MYCBP: variants seen among roughly 807,000 people sequenced by gnomAD.
The protein encoded by MYCBP is MYC binding protein.
Under a neutral mutation model 16.8 loss-of-function variants are expected in MYCBP, and 5 were observed. The ratio of observed to expected loss-of-function variants is 0.30; its 90% CI spans 0.16 to 0.63. The LOEUF is 0.63. Among genes scored for constraint, MYCBP ranks in the 20% least tolerant of loss-of-function variants. The probability of loss-of-function intolerance (pLI) is 0.83; values close to 1 mark genes in which losing one functional copy is unlikely to be tolerated. For synonymous variants in MYCBP, 35 were observed against 43.7 expected, an observed-to-expected ratio of 0.80 and a Z score of 0.79; for missense variants, 103 against 121.8, an observed-to-expected ratio of 0.85 and a Z score of 0.73.
rs75143403 is a variant in MYCBP at position 38,871,386 on chromosome 1, C to T, written c.88+1632G>A. Among the ~76,000 whole-genome samples the T allele has an allele frequency of 6.8e-3, 1,032 of 151,540 alleles. 10 individuals carry two copies. The highest frequency in any genetic ancestry group is 9.1e-3 in the Non-Finnish European group (621 of 67,938). On this transcript the variant is annotated intron_variant, in intron 2 of 4. Transcript: ENST00000397572. Reference sequence around the variant, plus strand: ...TTACTTCTTAAGAAAGGCCTTCCCCCCATCACCCTATATAAAATGACACAC... The same window carrying T: ...TTACTTCTTAAGAAAGGCCTTCCCCTCATCACCCTATATAAAATGACACAC...
intron 2 of MYCBP, among the ~76,000 whole-genome samples, chr1:38,871,105 G>A (rs1030998999): frequency 1.3e-5 from 2 of 152,066 alleles, no homozygotes; most frequent in African/African-American, 4.8e-5. Context: ...GCTAAGCATG[G>A]TGGCACATGC....
intron 1 of MYCBP, 68 bp from the exon 2 acceptor site, chr1:38,873,158 G>A: frequency 1.3e-6 from 2 of 1,551,070 alleles, no homozygotes; most frequent in Non-Finnish European, 1.7e-6. Flanking sequence ...CTGGGAGTCC[G>A]GCAACCCCGC....
At chr1:38,872,542 G>A (rs988623789) in intron 2 of MYCBP, 2 of 160,534 alleles carry the variant, frequency 1.2e-5, no homozygotes, top group African/African-American at 4.8e-5. Flanking sequence ...GGGCTGAAAA[G>A]CCACAGCCAA....
intron 1 of MYCBP, 48 bp from the exon 2 acceptor site, chr1:38,873,138 G>A (rs1270451342): frequency 4.5e-5 from 70 of 1,552,640 alleles, no homozygotes; most frequent in Non-Finnish European, 5.8e-5. Context: ...AGCCGAGCAG[G>A]AAGAAGGCGC....
intron 2 of MYCBP, among the ~76,000 whole-genome samples, chr1:38,868,548 G>C (rs909039680): frequency 6.6e-6 from 1 of 152,110 alleles, no homozygotes; most frequent in African/African-American, 2.4e-5. Flanking sequence ...TAAATCAGTG[G>C]TTGGCCTTTT....
chr1:38,868,311 G>A (rs1252761865), intron 2 of MYCBP, among the ~76,000 whole-genome samples: 1 of 152,168 alleles, frequency 6.6e-6, no homozygotes, highest in Admixed American at 6.5e-5. Context: ...ACAGGACTAT[G>A]GTAATTACCG....
intron 2 of MYCBP, among the ~76,000 whole-genome samples, chr1:38,870,045 C>T (rs1314287167): frequency 6.6e-6 from 1 of 151,746 alleles, no homozygotes; most frequent in Non-Finnish European, 1.5e-5. Context: ...TGGCAGGCAC[C>T]TGTAGTCCCA....
chr1:38,868,775 G>A (rs1042240234), intron 2 of MYCBP, among the ~76,000 whole-genome samples: 1 of 152,008 alleles, frequency 6.6e-6, no homozygotes, highest in Non-Finnish European at 1.5e-5. Flanking sequence ...GCGTGGTGGC[G>A]GGCGGCTGTA....
At chr1:38,869,225 A>AT (rs1006383473) in intron 2 of MYCBP, among the ~76,000 whole-genome samples, 1 of 151,714 alleles carries the variant, frequency 6.6e-6, no homozygotes, top group African/African-American at 2.4e-5. Context: ...AGTAGCTGGG[A>AT]TAACAGGCAT....
intron 4 of MYCBP, 124 bp from the exon 5 acceptor site, chr1:38,864,838 T>C: frequency 1.2e-6 from 1 of 816,442 alleles, no homozygotes; most frequent in Non-Finnish European, 2.0e-6. Flanking sequence ...TATCAGTTTC[T>C]ATAACTATCC....
rs958311562 is a variant in MYCBP at position 38,863,718 on chromosome 1, C to G, written c.*952G>C. 2.6e-5 allele frequency: 4 copies of G among 152,580 alleles called. No homozygotes were observed. The highest frequency in any genetic ancestry group is 6.5e-5 in the Admixed American group (1 of 15,272). 9.5% of individuals were successfully genotyped at this position (152,580 alleles called of 1,614,324 possible). ...CCTAAAAATTCAGCACCCCTCTTCC[C>G]CTTATACTTGTCCCACCTACTTCAC... On this transcript the variant is annotated 3_prime_UTR_variant, in exon 5 of 5. Coordinates refer to ENST00000397572, the MANE Select transcript of MYCBP (RefSeq NM_012333.5).
chr1:38,867,741 G>T, intron 2 of MYCBP, 131 bp from the exon 3 acceptor site: 1 of 749,248 alleles, frequency 1.3e-6, no homozygotes. Context: ...ATACAATGCT[G>T]AACAAGACAG....
At chr1:38,872,179 A>G (rs569742102) in intron 2 of MYCBP, among the ~76,000 whole-genome samples, 1 of 152,302 alleles carries the variant, frequency 6.6e-6, no homozygotes, top group Admixed American at 6.5e-5. Context: ...CCACTTCCCA[A>G]ACTTCCTAGT....
intron 4 of MYCBP, among the ~76,000 whole-genome samples, chr1:38,865,812 A>C (rs1642323277): frequency 6.6e-6 from 1 of 152,100 alleles, no homozygotes; most frequent in Non-Finnish European, 1.5e-5. Flanking sequence ...AAAGAAAGAA[A>C]AAACTTTAGC....
Position 38,873,338 on chromosome 1 carries a change from A to G in MYCBP, c.-33T>C, listed in dbSNP as rs774638461. The stretch of plus-strand genomic sequence containing the variant: ...GCGGCAGCGGCGTAGCTGGCGCCGG[A>G]GACCGCGACTGGCGGGTTGGGAGCA... On this transcript the variant is annotated 5_prime_UTR_variant, in exon 1 of 5. Transcript: ENST00000397572. The G allele has an allele frequency of 6.3e-7, 1 of 1,598,622 alleles. No homozygotes were observed. The highest frequency in any genetic ancestry group is 8.5e-7 in the Non-Finnish European group (1 of 1,177,910).
chr1:38,873,178 A>G (rs2124269211), intron 1 of MYCBP, 88 bp from the exon 2 acceptor site: 1 of 1,556,028 alleles, frequency 6.4e-7, no homozygotes, highest in African/African-American at 1.4e-5. Flanking sequence ...CCTCCGCCTC[A>G]CTACCTCGGG....
intron 2 of MYCBP, among the ~76,000 whole-genome samples, chr1:38,868,782 T>C (rs1642394059): frequency 6.6e-6 from 1 of 152,076 alleles, no homozygotes; most frequent in Admixed American, 6.5e-5. Flanking sequence ...GGCGGGCGGC[T>C]GTAGTCCCAG....
intron 2 of MYCBP, 133 bp from the exon 3 acceptor site, chr1:38,867,743 A>G (rs1010348812): frequency 1.4e-6 from 1 of 731,850 alleles, no homozygotes; most frequent in African/African-American, 1.8e-5. Context: ...ACAATGCTGA[A>G]CAAGACAGAC....
At chr1:38,865,097 G>T (rs1642309131) in intron 4 of MYCBP, among the ~76,000 whole-genome samples, 2 of 152,208 alleles carry the variant, frequency 1.3e-5, no homozygotes, top group Non-Finnish European at 2.9e-5. Context: ...TAAGTGACAT[G>T]TCTTAACTTA....
Sources: allele counts gnomAD v4.1 joint callset (sites outside exome capture counted in the v4.1 genomes callset), GRCh38; gene constraint gnomAD v4.1.1; transcripts MANE v1.5; gene names NCBI Gene and HGNC (gene_info 2026-07-23, HGNC 2026-07-21).